Variants in KIF6 observed in about 807,000 individuals in gnomAD.
KIF6 encodes kinesin-like protein KIF6.
A neutral mutation model predicts 112.7 loss-of-function variants in KIF6; 106 were observed. The observed-to-expected ratio is 0.94, with a 90% CI of 0.80 to 1.11. The LOEUF is 1.11. KIF6 is among the 50% of genes least tolerant of loss of function. The pLI, the probability that KIF6 is intolerant of heterozygous loss-of-function variation, is 0.00. For synonymous variants in KIF6, 339 were observed against 339.9 expected, an observed-to-expected ratio of 1.00 and a Z score of 0.03; for missense variants, 929 against 964.0, an observed-to-expected ratio of 0.96 and a Z score of 0.48.
At chr6:39,373,536 T>A (rs975110280) in intron 16 of KIF6, among the ~76,000 whole-genome samples, 2 of 151,940 alleles carry the variant, frequency 1.3e-5, no homozygotes, top group Non-Finnish European at 2.9e-5. Flanking sequence ...GGATACCAAA[T>A]CAGCATATAA....
chr6:39,575,838 C>T (rs1377416010), intron 10 of KIF6, among the ~76,000 whole-genome samples: 1 of 152,144 alleles, frequency 6.6e-6, no homozygotes, highest in African/African-American at 2.4e-5. Context: ...TTATGCTGCA[C>T]CCATGCCTTA....
At chr6:39,665,843 T>A (rs1290857002) in intron 3 of KIF6, among the ~76,000 whole-genome samples, 1 of 152,168 alleles carries the variant, frequency 6.6e-6, no homozygotes, top group African/African-American at 2.4e-5. Context: ...GTCTATTAAA[T>A]TTTCCCATTT....
At chr6:39,448,208 CTT>C (rs997132997) in intron 13 of KIF6, among the ~76,000 whole-genome samples, 1 of 151,988 alleles carries the variant, frequency 6.6e-6, no homozygotes, top group African/African-American at 2.4e-5. Context: ...AAGTCTTGCT[CTT>C]GTCGCCCAAG....
At chr6:39,526,289 G>T (rs1777721141) in intron 13 of KIF6, among the ~76,000 whole-genome samples, 1 of 152,206 alleles carries the variant, frequency 6.6e-6, no homozygotes, top group Non-Finnish European at 1.5e-5. Context: ...TACAAACTTA[G>T]AATCTGTGTT....
rs75293348 is a variant in KIF6, at chr6:39,714,870, C to T, written c.177-104G>A. ...AGCTCTATTAATTACCCCATATTTA[C>T]ATCACTGGGCTTACCTAACTTAGCA... is the stretch of plus-strand genomic sequence containing the variant. On this transcript the variant is annotated intron_variant, in intron 2 of 22. Coordinates refer to ENST00000287152, the MANE Select transcript of KIF6 (RefSeq NM_145027.6). 6,399 of 746,070 alleles carry T rather than the reference C, an allele frequency of 8.6e-3. 61 individuals are homozygous for T. The highest frequency in any genetic ancestry group is 0.014 in the South Asian group (828 of 58,788). 46.2% of individuals were successfully genotyped at this position (746,070 alleles called of 1,614,324 possible).
At chr6:39,382,447 A>G (rs1767031567) in intron 16 of KIF6, among the ~76,000 whole-genome samples, 1 of 151,900 alleles carries the variant, frequency 6.6e-6, no homozygotes, top group African/African-American at 2.4e-5. Context: ...GCGTTAATTC[A>G]TTTGGGATAA....
intron 13 of KIF6, among the ~76,000 whole-genome samples, chr6:39,442,153 G>A (rs1771955621): frequency 6.6e-6 from 1 of 152,206 alleles, no homozygotes; most frequent in African/African-American, 2.4e-5. Flanking sequence ...AGGGGGCAGT[G>A]CTCAAGGCAG....
intron 13 of KIF6, among the ~76,000 whole-genome samples, chr6:39,505,710 C>A (rs963310935): frequency 5.9e-5 from 9 of 152,132 alleles, no homozygotes; most frequent in Non-Finnish European, 1.2e-4. Context: ...ACAGACACTT[C>A]TCAAAAGAAG....
intron 3 of KIF6, among the ~76,000 whole-genome samples, chr6:39,667,627 T>C (rs957970256): frequency 6.6e-6 from 1 of 152,152 alleles, no homozygotes; most frequent in Non-Finnish European, 1.5e-5. Context: ...TTGGCACCCA[T>C]ACATATCTCC....
At chr6:39,430,853 A>G (rs1198967731) in intron 14 of KIF6, among the ~76,000 whole-genome samples, 200 bp downstream of exon 14, 1 of 152,256 alleles carries the variant, frequency 6.6e-6, no homozygotes, top group Non-Finnish European at 1.5e-5. Context: ...TGCTTACCCC[A>G]GTAGTACTGG....
intron 13 of KIF6, among the ~76,000 whole-genome samples, chr6:39,454,913 C>G (rs1772957226): frequency 6.6e-6 from 1 of 152,126 alleles, no homozygotes; most frequent in Non-Finnish European, 1.5e-5. Context: ...AGTCTGAGAT[C>G]AAACTGCAAG....
chr6:39,512,917 C>T (rs964053995), intron 13 of KIF6, among the ~76,000 whole-genome samples: 1 of 152,164 alleles, frequency 6.6e-6, no homozygotes, highest in Non-Finnish European at 1.5e-5. Flanking sequence ...ATGAGCCAGG[C>T]ACGTCTATAT....
intron 10 of KIF6, among the ~76,000 whole-genome samples, chr6:39,566,390 C>T (rs751163076): frequency 2.9e-4 from 44 of 152,032 alleles, no homozygotes; most frequent in Admixed American, 1.5e-3. Context: ...TTTGAATTTC[C>T]AAATATCTTA....
intron 13 of KIF6, among the ~76,000 whole-genome samples, chr6:39,506,094 G>C (rs1562271851): frequency 6.6e-6 from 1 of 152,152 alleles, no homozygotes. Flanking sequence ...CAAAGACATG[G>C]AATCAACTTA....
chr6:39,582,780 A>G (rs956339800), intron 9 of KIF6, among the ~76,000 whole-genome samples: 1 of 152,206 alleles, frequency 6.6e-6, no homozygotes, highest in Non-Finnish European at 1.5e-5. Flanking sequence ...ATTTGCCATT[A>G]AATTTTAAAA....
chr6:39,412,450 T>C (rs149755419), intron 15 of KIF6, among the ~76,000 whole-genome samples: 3 of 152,348 alleles, frequency 2.0e-5, no homozygotes, highest in Non-Finnish European at 4.4e-5. Context: ...ATAACCTTCT[T>C]GTCAAAATGT....
intron 13 of KIF6, among the ~76,000 whole-genome samples, chr6:39,432,702 T>A (rs1419968242): frequency 6.6e-6 from 1 of 152,096 alleles, no homozygotes; most frequent in Non-Finnish European, 1.5e-5. Context: ...TGAGAGACAT[T>A]GAGGGGCACG....
chr6:39,403,251 A>G (rs1396379369), intron 15 of KIF6, among the ~76,000 whole-genome samples: 1 of 152,154 alleles, frequency 6.6e-6, no homozygotes, highest in Non-Finnish European at 1.5e-5. Flanking sequence ...ACACACACAT[A>G]GATTTGTGTA....
At chr6:39,515,252 T>C (rs1582026405) in intron 13 of KIF6, among the ~76,000 whole-genome samples, 1 of 152,184 alleles carries the variant, frequency 6.6e-6, no homozygotes, top group Non-Finnish European at 1.5e-5. Flanking sequence ...AACAGGAATG[T>C]AGGCTTTCAC....
Sources: gnomAD v4.1 joint callset for allele counts (sites outside exome capture counted in the v4.1 genomes callset) on GRCh38, gnomAD v4.1.1 for gene constraint, MANE v1.5 for transcripts, NCBI Gene and HGNC (gene_info 2026-07-23, HGNC 2026-07-21) for gene names.